ITGA8: variants seen among roughly 807,000 people sequenced by gnomAD.
The protein encoded by ITGA8 is integrin subunit alpha 8.
ITGA8 carries 91 observed loss-of-function variants against 142.3 expected under a neutral mutation model. The ratio of observed to expected loss-of-function variants is 0.64; its 90% confidence interval spans 0.54 to 0.76. The LOEUF is 0.76. ITGA8 is among the 30% of genes least tolerant of loss of function. ITGA8 has a pLI of 0.00. For synonymous variants in ITGA8, 505 were observed against 485.2 expected (o/e 1.04, Z -0.54); for missense variants, 1,406 against 1,327.7 (o/e 1.06, Z -0.92).
At chr10:15,655,040 G>T (rs1254986600) in intron 11 of ITGA8, among the ~76,000 whole-genome samples, 6 of 152,302 alleles carry the variant, frequency 3.9e-5, no homozygotes, top group South Asian at 2.1e-4. Context: ...AATTCTAGGA[G>T]TGAAGAGAGA....
At chr10:15,628,339 T>G (rs1833623686) in intron 13 of ITGA8, among the ~76,000 whole-genome samples, 1 of 133,196 alleles carries the variant, frequency 7.5e-6, no homozygotes, top group East Asian at 2.2e-4. Flanking sequence ...TTTTTTTTTT[T>G]TTTTTTTTTT....
At chr10:15,666,209 A>G (rs980731383) in intron 8 of ITGA8, among the ~76,000 whole-genome samples, 8 of 152,112 alleles carry the variant, frequency 5.3e-5, no homozygotes, top group African/African-American at 1.9e-4. Flanking sequence ...AGTGGTTTGT[A>G]GTTCTCCTTG....
intron 25 of ITGA8, among the ~76,000 whole-genome samples, chr10:15,567,693 C>T (rs1834103207): frequency 6.6e-6 from 1 of 152,140 alleles, no homozygotes; most frequent in Admixed American, 6.5e-5. Context: ...AAGGGACATC[C>T]TCAAGGCACT....
chr10:15,648,537 A>G (rs1834028680), intron 11 of ITGA8, among the ~76,000 whole-genome samples: 2 of 151,036 alleles, frequency 1.3e-5, no homozygotes, highest in Non-Finnish European at 3.0e-5. Flanking sequence ...AAATTAAGAT[A>G]TATCAATAAC....
In ITGA8 at chr10:15,614,324, T is replaced by C. The variant is rs527750743; in HGVS notation, c.1446-557A>G. On this transcript the variant is annotated intron_variant, in intron 14 of 29. Transcript: ENST00000378076. ...AAGCAGGGTTTGCAGAATAATTCTGTACATCAGCCAGAGAAGTGGTTCTCA... is the reference window on the plus strand; with the variant it reads ...AAGCAGGGTTTGCAGAATAATTCTGCACATCAGCCAGAGAAGTGGTTCTCA... Among the ~76,000 whole-genome samples, 5 of 152,312 alleles carry C rather than the reference T, an allele frequency of 3.3e-5. No homozygotes were observed. The East Asian group carries it at 9.7e-4, about 29-fold the overall frequency.
At chr10:15,648,282 C>T (rs1834023957) in intron 11 of ITGA8, among the ~76,000 whole-genome samples, 1 of 151,960 alleles carries the variant, frequency 6.6e-6, no homozygotes, top group African/African-American at 2.4e-5. Context: ...CAAGAGTGAC[C>T]TGGGGCAGGA....
chr10:15,663,575 C>CTTT (rs34017814), intron 8 of ITGA8, among the ~76,000 whole-genome samples: 17 of 147,808 alleles, frequency 1.2e-4, no homozygotes, highest in African/African-American at 2.5e-4. Flanking sequence ...CAACAAGACT[C>CTTT]TTTTTTTTTT....
chr10:15,691,374 G>T (rs1834930624), intron 2 of ITGA8, among the ~76,000 whole-genome samples: 1 of 152,204 alleles, frequency 6.6e-6, no homozygotes. Flanking sequence ...TCAGCATATT[G>T]AAAATATATC....
chr10:15,595,866 G>C (rs1490828063), intron 21 of ITGA8, among the ~76,000 whole-genome samples: 3 of 152,110 alleles, frequency 2.0e-5, no homozygotes, highest in Non-Finnish European at 2.9e-5. Flanking sequence ...AGGAGTTCGA[G>C]ACCAGCCTGG....
intron 2 of ITGA8, 99 bp from the exon 3 acceptor site, chr10:15,688,137 A>G (rs983952845): frequency 6.3e-6 from 5 of 795,360 alleles, no homozygotes; most frequent in Non-Finnish European, 1.1e-5. Context: ...AACTAATACC[A>G]ATCCTTGTCA....
At chr10:15,558,025 A>G (rs754912131) in intron 26 of ITGA8, 49 bp downstream of exon 26, 2 of 1,608,968 alleles carry the variant, frequency 1.2e-6, no homozygotes. Flanking sequence ...TGAGGGTTCT[A>G]TCCAAGCCAC....
chr10:15,585,772 G>C (rs767044697), intron 23 of ITGA8, among the ~76,000 whole-genome samples: 3 of 151,984 alleles, frequency 2.0e-5, no homozygotes, highest in South Asian at 2.1e-4. Flanking sequence ...CTTTTCCCCC[G>C]TCTCTCAGTT....
At chr10:15,628,266 A>G (rs1564381415) in intron 13 of ITGA8, among the ~76,000 whole-genome samples, 1 of 143,758 alleles carries the variant, frequency 7.0e-6, no homozygotes, top group Non-Finnish European at 1.5e-5. Context: ...ATTCTTTATT[A>G]TCTTACTTTC....
intron 19 of ITGA8, among the ~76,000 whole-genome samples, chr10:15,604,619 T>A (rs1833162166): frequency 6.6e-6 from 1 of 151,312 alleles, no homozygotes; most frequent in Admixed American, 6.6e-5. Context: ...TTATAGCATT[T>A]TCAGATTCCA....
intron 8 of ITGA8, among the ~76,000 whole-genome samples, chr10:15,668,611 G>T (rs1834444269): frequency 6.6e-6 from 1 of 152,138 alleles, no homozygotes; most frequent in African/African-American, 2.4e-5. Context: ...TTTCTTCCTA[G>T]CCTGGATGGT....
chr10:15,564,015 T>C (rs115040593), intron 25 of ITGA8, among the ~76,000 whole-genome samples: 226 of 152,304 alleles, frequency 1.5e-3, no homozygotes, highest in African/African-American at 5.3e-3. Flanking sequence ...AAAGAACATG[T>C]CCTATTGGGG....
chr10:15,669,750 A>T (rs565148827), intron 8 of ITGA8, among the ~76,000 whole-genome samples: 38 of 152,272 alleles, frequency 2.5e-4, no homozygotes, highest in African/African-American at 8.4e-4. Flanking sequence ...CCTCAGCTGC[A>T]GGTCTGTTGG....
At chr10:15,623,169 G>A (rs1327049036) in intron 13 of ITGA8, among the ~76,000 whole-genome samples, 1 of 152,134 alleles carries the variant, frequency 6.6e-6, no homozygotes, top group African/African-American at 2.4e-5. Context: ...AAATATAATT[G>A]CCTCCTTTAA....
At chr10:15,713,250 C>G (rs756724949) in intron 2 of ITGA8, among the ~76,000 whole-genome samples, 8 of 152,182 alleles carry the variant, frequency 5.3e-5, no homozygotes, top group Non-Finnish European at 1.0e-4. Flanking sequence ...AGTAAGACAT[C>G]CAGCTAAACC....
Sources: allele counts gnomAD v4.1 joint callset (sites outside exome capture counted in the v4.1 genomes callset), GRCh38; gene constraint gnomAD v4.1.1; transcripts MANE v1.5; gene names NCBI Gene and HGNC (gene_info 2026-07-23, HGNC 2026-07-21).